ZNF74: variants seen among roughly 807,000 people sequenced by gnomAD.
ZNF74 encodes zinc finger protein 520.
ZNF74 carries 12 observed loss-of-function variants against 17.7 expected under a neutral mutation model. The observed-to-expected ratio is 0.68, with a 90% CI of 0.43 to 1.10. The LOEUF is 1.10. ZNF74 is among the 50% of genes least tolerant of loss of function. The probability of loss-of-function intolerance (pLI) is 0.00; values close to 1 mark genes in which losing one functional copy is unlikely to be tolerated. For missense variants in ZNF74, 811 were observed against 881.0 expected (o/e 0.92, Z 1.01); for synonymous variants, 358 against 362.1 (o/e 0.99, Z 0.13).
In ZNF74 at chr22:20,406,687, G is replaced by A. The variant is rs148704450; in HGVS notation, c.1654G>A (p.Gly552Arg). The change falls in exon 5 of 5, where the codon GGG (glycine) becomes AGG (arginine). Residue 552 changes from glycine to arginine, a missense_variant. Gly to Arg is a moderately radical substitution (Grantham distance 125). This residue lies in a region of ZNF74 where 115 missense variants were observed against 119.5 expected (regional missense o/e 0.96). Transcript: ENST00000400451. ...CLIKHQKIHS[G>R]EKSFKCEKCG... The stretch of plus-strand genomic sequence containing the variant: ...CATTAAACATCAGAAAATCCACTCC[G>A]GGGAGAAGTCGTTTAAGTGTGAGAA... The A allele has an allele frequency of 1.6e-4, 253 of 1,614,208 alleles. No homozygotes were observed. The African/African-American group carries it at 2.8e-3, about 18-fold the overall frequency.
At chr22:20,403,275 C>G (rs1194180997) in intron 4 of ZNF74, among the ~76,000 whole-genome samples, 1 of 150,816 alleles carries the variant, frequency 6.6e-6, no homozygotes, top group Non-Finnish European at 1.5e-5. Flanking sequence ...TGTCACTGAC[C>G]ATCTCGTGGG....
intron 2 of ZNF74, among the ~76,000 whole-genome samples, chr22:20,397,889 C>A (rs2146091170): frequency 6.6e-6 from 1 of 152,290 alleles, no homozygotes; most frequent in South Asian, 2.1e-4. Flanking sequence ...TAGATGGCCA[C>A]CTTTTCCCCG....
chr22:20,400,539 C>G (rs1198037554), intron 2 of ZNF74, 93 bp from the exon 3 acceptor site: 14 of 1,516,968 alleles, frequency 9.2e-6, no homozygotes, highest in East Asian at 6.8e-5. Context: ...CTGAGGTTAA[C>G]CCTTTACTTG....
intron 2 of ZNF74, among the ~76,000 whole-genome samples, chr22:20,399,089 T>C (rs926672899): frequency 3.3e-5 from 5 of 152,332 alleles, no homozygotes; most frequent in African/African-American, 1.2e-4. Flanking sequence ...TTTCCCAGAG[T>C]GTGGTTTATC....
chr22:20,404,538 G>C (rs997800228), intron 4 of ZNF74, among the ~76,000 whole-genome samples: 7 of 152,022 alleles, frequency 4.6e-5, no homozygotes, highest in Non-Finnish European at 1.0e-4. Flanking sequence ...TACCCAGGCT[G>C]GTCTTGATCT....
At chr22:20,395,142 G>A (rs1477801975) in intron 1 of ZNF74, 191 bp from the exon 2 acceptor site, 5 of 530,330 alleles carry the variant, frequency 9.4e-6, no homozygotes. Context: ...ATGAATTGGA[G>A]TGTCTGAGAC....
Position 20,406,536 on chromosome 22 carries a change from C to G in ZNF74, c.1503C>G (p.Asp501Glu). 1.9e-6 allele frequency: 3 copies of G among 1,613,520 alleles called. No individual in the cohort carries two copies. Among genetic ancestry groups the G allele is most frequent in the Non-Finnish European group, 2.5e-6 (3 of 1,179,898 alleles). Residue 501 changes from aspartate (D) to glutamate (E), a missense_variant, in exon 5 of 5, where the codon GAC (aspartate) becomes GAG (glutamate). Physicochemically the swap from Asp to Glu is conservative, Grantham distance 45 (BLOSUM62 2). Coordinates refer to ENST00000400451, the MANE Select transcript of ZNF74 (RefSeq NM_003426.4). ...TCCACACAGGCGAGAAGCCCTTCGA[C>G]TGCAGCCAGTGTTGGAAGGCCTTCA... is the stretch of plus-strand genomic sequence containing the variant. ...RRIHTGEKPF[D>E]CSQCWKAFSC...
chr22:20,404,537 T>C (rs921917599), intron 4 of ZNF74, among the ~76,000 whole-genome samples: 3 of 152,096 alleles, frequency 2.0e-5, no homozygotes, highest in African/African-American at 7.2e-5. Flanking sequence ...TTACCCAGGC[T>C]GGTCTTGATC....
intron 2 of ZNF74, chr22:20,399,723 G>T: frequency 8.0e-6 from 2 of 250,074 alleles, no homozygotes; most frequent in South Asian, 7.3e-5. Flanking sequence ...CAAGTGCTGG[G>T]ATTATAGGCG....
chr22:20,405,465 C>A lies in ZNF74; in HGVS notation c.432C>A (p.Gly144=). 1 of 1,612,090 alleles carries A rather than the reference C, an allele frequency of 6.2e-7. No homozygotes were observed. The highest frequency in any genetic ancestry group is 8.5e-7 in the Non-Finnish European group (1 of 1,179,474). ...AGCCCATCATGGAGCGGCCCCTCGG[C>A]GGGGCGCAGGCGTGGGGGCGCCAGG... ...AQEPIMERPL[G]GAQAWGRQAG... The change falls in exon 5 of 5, where the codon GGC becomes GGA. Residue 144 remains glycine, a synonymous_variant. Coordinates refer to ENST00000400451, the MANE Select transcript of ZNF74 (RefSeq NM_003426.4).
Position 20,406,594 on chromosome 22 carries a change from A to G in ZNF74, c.1561A>G (p.Ile521Val). The G allele has an allele frequency of 6.2e-7, 1 of 1,614,162 alleles. No homozygotes were observed. Among genetic ancestry groups the G allele is most frequent in the East Asian group, 2.2e-5 (1 of 44,878 alleles). The change falls in exon 5 of 5, where the codon ATC becomes GTC. Residue 521 changes from isoleucine to valine, a missense_variant. Around this residue, in one of 3 missense-constraint regions of ZNF74, gnomAD observed 30 missense variants for 59.2 expected, o/e 0.51. Transcript: ENST00000400451. ...CTCGTCCCTCATCGTGCACCAGCGCATCCACACCGGTGAGAAGCCCTACAA... is the reference window on the plus strand; with the variant it reads ...CTCGTCCCTCATCGTGCACCAGCGCGTCCACACCGGTGAGAAGCCCTACAA... ...CHSSLIVHQR[I>V]HTGEKPYKCS...
Position 20,406,774 on chromosome 22 carries a change from G to T in ZNF74, c.1741G>T (p.Gly581Trp), listed in dbSNP as rs1257886519. 4.3e-6 allele frequency: 7 copies of T among 1,614,132 alleles called. No individual in the cohort carries two copies. The highest frequency in any genetic ancestry group is 3.3e-5 in the Admixed American group (2 of 60,024). The change falls in exon 5 of 5, where the codon GGG becomes TGG. Residue 581 changes from glycine (G) to tryptophan (W), a missense_variant. Coordinates refer to ENST00000400451, the MANE Select transcript of ZNF74 (RefSeq NM_003426.4). ...TGAGCACCAGAGGCTGCACAGCGAG[G>T]GGAAGCCCTTGGCCATCCAGTTCAA... is the stretch of plus-strand genomic sequence containing the variant. ...LTEHQRLHSE[G>W]KPLAIQFNKH...
At chr22:20,394,758 C>CAT in intron 1 of ZNF74, 96 bp downstream of exon 1, 5 of 1,187,038 alleles carry the variant, frequency 4.2e-6, no homozygotes, top group Non-Finnish European at 6.0e-6. Context: ...AAGCATCCAG[C>CAT]ATCTTTTTTT....
Position 20,406,957 on chromosome 22 carries a change from C to G in ZNF74, c.1924C>G (p.Pro642Ala), listed in dbSNP as rs1271955322. Residue 642 changes from proline to alanine, a missense_variant, in exon 5 of 5, where the codon CCT becomes GCT. By Grantham distance (27) the Pro-to-Ala change is conservative. Around this residue, in one of 3 missense-constraint regions of ZNF74, gnomAD observed 115 missense variants for 119.5 expected, o/e 0.96. Transcript: ENST00000400451. ...AGRNFSLGSK[P>A]RN ...CAGGAATTTCTCCCTGGGGAGCAAACCTCGAAACTAACATGATGTGCTTTG... is the reference window on the plus strand; with the variant it reads ...CAGGAATTTCTCCCTGGGGAGCAAAGCTCGAAACTAACATGATGTGCTTTG... 15 of 1,611,726 alleles carry G rather than the reference C, an allele frequency of 9.3e-6. No individual in the cohort carries two copies. Among genetic ancestry groups the G allele is most frequent in the Non-Finnish European group, 1.3e-5 (15 of 1,179,028 alleles).
rs1601262783 is a variant in ZNF74, at chr22:20,395,120, G to T, written c.35-213G>T. 12 of 499,336 alleles carry T rather than the reference G, an allele frequency of 2.4e-5. No homozygotes were observed. The South Asian group carries it at 3.4e-4, about 14-fold the overall frequency. 30.9% of individuals were successfully genotyped at this position (499,336 alleles called of 1,614,324 possible). A position where few individuals can be genotyped will look rare whatever the true frequency, so the allele number is the denominator to read the frequency against. ...CAGACGTGCTTGATTGGGGGTAGCA[G>T]CTCTTTTCGTCATGAATTGGAGTGT... is the stretch of plus-strand genomic sequence containing the variant. On this transcript the variant is annotated intron_variant, in intron 1 of 4. Transcript: ENST00000400451.
At chr22:20,395,545 G>A in intron 2 of ZNF74, 127 bp downstream of exon 2, 1 of 656,594 alleles carries the variant, frequency 1.5e-6, no homozygotes, top group Non-Finnish European at 2.7e-6. Flanking sequence ...GAAGCTCTGG[G>A]CAGTGGGAAC....
At chr22:20,404,084 G>A (rs979263862) in intron 4 of ZNF74, among the ~76,000 whole-genome samples, 4 of 152,186 alleles carry the variant, frequency 2.6e-5, no homozygotes, top group East Asian at 3.9e-4. Flanking sequence ...AGCTCTGCCC[G>A]CTGCACTAGA....
chr22:20,408,044 C>A lies in ZNF74; in HGVS notation c.*1076C>A. On this transcript the variant is annotated 3_prime_UTR_variant, in exon 5 of 5. Coordinates refer to ENST00000400451, the MANE Select transcript of ZNF74 (RefSeq NM_003426.4). ...GCAGGGCCACCCTGGGCTGGTGAGG[C>A]TGCCCTGCAGGGCTTCTCACTATGT... is the stretch of plus-strand genomic sequence containing the variant. 6.6e-6 allele frequency: 1 copy of A among 152,328 alleles called. No homozygotes were observed. Among genetic ancestry groups the A allele is most frequent in the Non-Finnish European group, 1.5e-5 (1 of 68,042 alleles). The allele number at this position is 152,328 out of a possible 1,614,324, so 9.4% of individuals were successfully genotyped here.
In ZNF74 at chr22:20,400,807, T is replaced by C. The variant is rs202066735; in HGVS notation, c.247+49T>C. 1.5e-4 allele frequency: 236 copies of C among 1,601,654 alleles called. No homozygotes were observed. The African/African-American group carries it at 2.7e-3, about 18-fold the overall frequency. On this transcript the variant is annotated intron_variant, in intron 3 of 4. Coordinates refer to ENST00000400451, the MANE Select transcript of ZNF74 (RefSeq NM_003426.4). The stretch of plus-strand genomic sequence containing the variant: ...TGGGCGTCGGCTGTCAGCCTTCTTC[T>C]ACATGGTAGATATTAAGGAGAATCC...
Sources: allele counts gnomAD v4.1 joint callset (sites outside exome capture counted in the v4.1 genomes callset), GRCh38; gene constraint gnomAD v4.1.1; regional missense constraint gnomAD v4.1.1; transcripts MANE v1.5; gene names NCBI Gene and HGNC (gene_info 2026-07-23, HGNC 2026-07-21).